The following APBB1IP variants were observed in gnomAD, a reference collection of about 807,000 sequenced individuals.
APBB1IP encodes amyloid beta A4 precursor protein-binding family B member 1-interacting protein.
A neutral mutation model predicts 64.9 loss-of-function variants in APBB1IP; 27 were observed. The ratio of observed to expected loss-of-function variants is 0.42; its 90% CI spans 0.31 to 0.57. The LOEUF (loss-of-function observed/expected upper bound fraction) is 0.57. APBB1IP is among the 20% of genes least tolerant of loss of function. The pLI is 0.20. For missense variants in APBB1IP, 812 were observed against 845.5 expected, an observed-to-expected ratio of 0.96 and a Z score of 0.49; for synonymous variants, 392 against 331.0, an observed-to-expected ratio of 1.18 and a Z score of -2.00.
chr10:26,449,251 A>G (rs1352953220), intron 2 of APBB1IP, among the ~76,000 whole-genome samples: 1 of 152,188 alleles, frequency 6.6e-6, no homozygotes, highest in Non-Finnish European at 1.5e-5. Context: ...TGAAGATGCA[A>G]CAGACAGAAG....
intron 11 of APBB1IP, among the ~76,000 whole-genome samples, chr10:26,551,469 C>T (rs941134977): frequency 4.6e-5 from 7 of 152,232 alleles, no homozygotes; most frequent in Non-Finnish European, 7.3e-5. Flanking sequence ...CACTCACGGT[C>T]AGTTTCCTTA....
intron 8 of APBB1IP, among the ~76,000 whole-genome samples, chr10:26,517,028 C>A (rs1182611423): frequency 6.6e-6 from 1 of 152,182 alleles, no homozygotes; most frequent in Non-Finnish European, 1.5e-5. Flanking sequence ...CTGAGGGTTC[C>A]CCTCCCAGAG....
At position 26,567,665 on chromosome 10, in the gene APBB1IP, CA is replaced by C; in HGVS notation, c.*180del. The C allele has an allele frequency of 7.4e-7, 1 of 1,347,934 alleles. No individual in the cohort carries two copies. The highest frequency in any genetic ancestry group is 9.7e-7 in the Non-Finnish European group (1 of 1,032,634). The allele number at this position is 1,347,934 out of a possible 1,614,324, so 83.5% of individuals were successfully genotyped here. A position where few individuals can be genotyped will look rare whatever the true frequency, so the allele number is the denominator to read the frequency against. On this transcript the variant is annotated 3_prime_UTR_variant, in exon 15 of 15. Transcript: ENST00000376236. ...CCCAGTAGAGTTCAGAATATCTGCC[CA>C]AATGTACATATCGTTCCCATGTATT...
At chr10:26,471,586 A>G (rs773025957) in intron 2 of APBB1IP, among the ~76,000 whole-genome samples, 2 of 152,188 alleles carry the variant, frequency 1.3e-5, no homozygotes, top group Admixed American at 6.5e-5. Flanking sequence ...GGATCACCCA[A>G]TGTATTGTGG....
intron 14 of APBB1IP, among the ~76,000 whole-genome samples, chr10:26,565,546 G>C (rs1015737347): frequency 8.5e-5 from 13 of 152,184 alleles, no homozygotes; most frequent in African/African-American, 3.1e-4. Flanking sequence ...ATCTAAATAC[G>C]ATCTAAACAC....
chr10:26,543,421 C>T (rs112319052), intron 11 of APBB1IP, among the ~76,000 whole-genome samples: 11,288 of 149,252 alleles, frequency 0.076, 736 homozygotes, highest in African/African-American at 0.17. Flanking sequence ...GAGCCGAGAT[C>T]GCACCACTGC....
intron 8 of APBB1IP, among the ~76,000 whole-genome samples, chr10:26,529,906 A>G (rs1178356101): frequency 1.3e-5 from 2 of 152,088 alleles, no homozygotes; most frequent in South Asian, 4.1e-4. Flanking sequence ...CACCCAAAGT[A>G]CTGGGATTAC....
At chr10:26,532,269 A>G (rs1836564171) in intron 8 of APBB1IP, among the ~76,000 whole-genome samples, 1 of 152,164 alleles carries the variant, frequency 6.6e-6, no homozygotes, top group African/African-American at 2.4e-5. Flanking sequence ...ACTCTATGAC[A>G]GTGGTCACTC....
chr10:26,541,570 C>T lies in APBB1IP; in HGVS notation c.1045-12C>T, dbSNP rs1474056752. Reference sequence around the variant, plus strand: ...TCTCAGTTGAAGTTTTATTTTTTTCCCTGTCTTTCAGACATCTCGAGATCT... The same window carrying T: ...TCTCAGTTGAAGTTTTATTTTTTTCTCTGTCTTTCAGACATCTCGAGATCT... On this transcript the variant is annotated splice_polypyrimidine_tract_variant and intron_variant, in intron 10 of 14. Transcript: ENST00000376236. The T allele has an allele frequency of 6.3e-7, 1 of 1,583,384 alleles. No individual in the cohort carries two copies. Among genetic ancestry groups the T allele is most frequent in the South Asian group, 1.1e-5 (1 of 88,106 alleles).
intron 2 of APBB1IP, among the ~76,000 whole-genome samples, chr10:26,490,350 C>T (rs569413524): frequency 6.6e-5 from 10 of 152,098 alleles, no homozygotes; most frequent in Non-Finnish European, 1.3e-4. Flanking sequence ...ATGGGCCAGG[C>T]GTGGTGGCTC....
chr10:26,540,070 A>G (rs767488972), intron 10 of APBB1IP, among the ~76,000 whole-genome samples: 1 of 152,168 alleles, frequency 6.6e-6, no homozygotes, highest in Non-Finnish European at 1.5e-5. Context: ...TCAAATGGCA[A>G]CTCCATGCTT....
At chr10:26,524,374 A>G (rs1366597653) in intron 8 of APBB1IP, among the ~76,000 whole-genome samples, 2 of 152,056 alleles carry the variant, frequency 1.3e-5, no homozygotes, top group African/African-American at 4.8e-5. Flanking sequence ...TTTCTCCGTA[A>G]TTACCCACTT....
At chr10:26,498,265 T>G (rs1836052607) in intron 4 of APBB1IP, among the ~76,000 whole-genome samples, 1 of 152,068 alleles carries the variant, frequency 6.6e-6, no homozygotes, top group African/African-American at 2.4e-5. Flanking sequence ...TCCCAGCACT[T>G]TGGGAGGCCG....
intron 8 of APBB1IP, among the ~76,000 whole-genome samples, chr10:26,530,550 C>T (rs1169215344): frequency 1.3e-5 from 2 of 151,882 alleles, no homozygotes; most frequent in Admixed American, 6.6e-5. Context: ...ATTAGCTGAG[C>T]GTGGTAGTGC....
chr10:26,534,532 G>A (rs1325423670), intron 9 of APBB1IP, among the ~76,000 whole-genome samples: 1 of 152,176 alleles, frequency 6.6e-6, no homozygotes, highest in Non-Finnish European at 1.5e-5. Flanking sequence ...CCCACCTGGA[G>A]CCAATTGGCT....
chr10:26,547,360 C>T (rs1836778829), intron 11 of APBB1IP, among the ~76,000 whole-genome samples: 1 of 152,050 alleles, frequency 6.6e-6, no homozygotes, highest in African/African-American at 2.4e-5. Context: ...TGTCTCTTTA[C>T]TCTGTTGATT....
intron 11 of APBB1IP, among the ~76,000 whole-genome samples, chr10:26,559,708 A>C (rs1168195487): frequency 6.9e-6 from 1 of 145,978 alleles, no homozygotes; most frequent in African/African-American, 2.6e-5. Flanking sequence ...TGCAACCTCC[A>C]CCTCCCAGGT....
chr10:26,472,938 AAC>A (rs1344629016), intron 2 of APBB1IP, among the ~76,000 whole-genome samples: 9 of 152,094 alleles, frequency 5.9e-5, no homozygotes, highest in African/African-American at 2.2e-4. Context: ...CTTCATCAAA[AAC>A]AAAAAGAAAA....
At position 26,489,284 on chromosome 10, in the gene APBB1IP, T is replaced by G. The variant is rs1355904048; in HGVS notation, c.1-3043T>G. Reference sequence around the variant, plus strand: ...AGAAGGACGGCAAAAGAAAAGTCACTGCAGGGAGCAGAACATTCAGATGGA... The same window carrying G: ...AGAAGGACGGCAAAAGAAAAGTCACGGCAGGGAGCAGAACATTCAGATGGA... On this transcript the variant is annotated intron_variant, in intron 2 of 14. Transcript: ENST00000376236. 3.3e-5 allele frequency among the ~76,000 whole-genome samples: 5 copies of G among 152,194 alleles called. No homozygotes were observed. The East Asian group carries it at 9.6e-4, about 29-fold the overall frequency.
Sources: allele counts gnomAD v4.1 joint callset (sites outside exome capture counted in the v4.1 genomes callset), GRCh38; gene constraint gnomAD v4.1.1; transcripts MANE v1.5; gene names NCBI Gene and HGNC (gene_info 2026-07-23, HGNC 2026-07-21).